DCDC2: variants seen among roughly 807,000 people sequenced by gnomAD.
DCDC2 encodes the protein doublecortin domain-containing protein 2.
A neutral mutation model predicts 50.2 loss-of-function variants in DCDC2; 40 were observed. That is an observed-to-expected ratio of 0.80 (90% CI 0.62 to 1.04). DCDC2 has a LOEUF of 1.04. Among genes scored for constraint, DCDC2 ranks in the 50% least tolerant of loss-of-function variants. The pLI is 0.00. For missense variants in DCDC2, 570 were observed against 581.9 expected (o/e 0.98, Z 0.21); for synonymous variants, 234 against 210.6 (o/e 1.11, Z -0.96).
intron 2 of DCDC2, among the ~76,000 whole-genome samples, chr6:24,329,444 A>T (rs180710566): frequency 6.6e-6 from 1 of 152,282 alleles, no homozygotes; most frequent in Non-Finnish European, 1.5e-5. Flanking sequence ...TACCATTGCT[A>T]TCCTATTTCA....
intron 8 of DCDC2, among the ~76,000 whole-genome samples, chr6:24,194,565 T>G (rs1761390237): frequency 6.6e-6 from 1 of 152,218 alleles, no homozygotes; most frequent in Non-Finnish European, 1.5e-5. Context: ...TGGTCTGTGT[T>G]TCTGAGATGG....
intron 7 of DCDC2, among the ~76,000 whole-genome samples, chr6:24,233,263 T>C (rs1302524457): frequency 6.6e-6 from 1 of 152,212 alleles, no homozygotes; most frequent in Non-Finnish European, 1.5e-5. Flanking sequence ...TCTTGGACTT[T>C]TGTCTGATTA....
In DCDC2 at chr6:24,208,435, A is replaced by G. The variant is rs541822297; in HGVS notation, c.923-3333T>C. On this transcript the variant is annotated intron_variant, in intron 7 of 9. Coordinates refer to ENST00000378454, the MANE Select transcript of DCDC2 (RefSeq NM_016356.5). ...GCCCAGGCTGGAGTGCAGTGGCGCA[A>G]TCTCCGCTCACCGCAAGCTCCGCCT... Among the ~76,000 whole-genome samples, 15 of 143,846 alleles carry G rather than the reference A, an allele frequency of 1.0e-4. No individual in the cohort carries two copies. In the South Asian group the frequency reaches 2.6e-3, roughly 25 times the overall value. The allele number at this position is 143,846 out of a possible 152,430, so 94.4% of individuals were successfully genotyped here.
intron 7 of DCDC2, among the ~76,000 whole-genome samples, chr6:24,251,776 A>C (rs1228454259): frequency 6.6e-6 from 1 of 152,198 alleles, no homozygotes; most frequent in East Asian, 1.9e-4. Flanking sequence ...TGCATCTGTT[A>C]TCTTTCTATG....
chr6:24,382,560 T>C, the DCDC2 span, among the ~76,000 whole-genome samples: 6 of 152,168 alleles, frequency 3.9e-5, no homozygotes, highest in Non-Finnish European at 7.3e-5. Context: ...AGTTTGCTGG[T>C]TTTTTGTTGT....
intron 7 of DCDC2, among the ~76,000 whole-genome samples, chr6:24,216,536 C>T (rs1009362211): frequency 2.6e-5 from 4 of 152,148 alleles, no homozygotes; most frequent in South Asian, 2.1e-4. Flanking sequence ...GCAGTACAGA[C>T]GACTCTTTCA....
chr6:24,217,139 T>TA (rs995182043), intron 7 of DCDC2, among the ~76,000 whole-genome samples: 23 of 149,252 alleles, frequency 1.5e-4, no homozygotes, highest in Middle Eastern at 3.4e-3. Context: ...CAAAGAATCT[T>TA]AAAAAAAAAA....
chr6:24,364,662 TAA>T, the DCDC2 span, among the ~76,000 whole-genome samples: 3 of 152,052 alleles, frequency 2.0e-5, no homozygotes, highest in South Asian at 2.1e-4. Flanking sequence ...GAAAATATAT[TAA>T]GTTTAAAAAT....
intron 8 of DCDC2, among the ~76,000 whole-genome samples, chr6:24,200,999 A>G (rs1761574491): frequency 6.6e-6 from 1 of 152,220 alleles, no homozygotes; most frequent in African/African-American, 2.4e-5. Context: ...ACCAAGATTC[A>G]TAAAGCAAGT....
chr6:24,181,317 G>A (rs1006154815), intron 8 of DCDC2, among the ~76,000 whole-genome samples: 3 of 152,178 alleles, frequency 2.0e-5, no homozygotes, highest in Non-Finnish European at 4.4e-5. Flanking sequence ...AGTGAGAAAA[G>A]TCTCCAATCT....
chr6:24,356,428 A>T (rs895488964), intron 1 of DCDC2, among the ~76,000 whole-genome samples: 5 of 152,122 alleles, frequency 3.3e-5, no homozygotes, highest in Non-Finnish European at 7.4e-5. Context: ...GGGAGGTACA[A>T]ATGTTTTGGC....
At chr6:24,352,237 T>A (rs1296170443) in intron 2 of DCDC2, among the ~76,000 whole-genome samples, 27 of 152,238 alleles carry the variant, frequency 1.8e-4, no homozygotes. Flanking sequence ...TTTTGGGAAT[T>A]CACACATCTC....
At chr6:24,190,308 TA>T (rs544993843) in intron 8 of DCDC2, among the ~76,000 whole-genome samples, 7 of 152,054 alleles carry the variant, frequency 4.6e-5, no homozygotes, top group African/African-American at 9.6e-5. Context: ...TAATCATCAA[TA>T]AAAAAAATTC....
intron 7 of DCDC2, among the ~76,000 whole-genome samples, chr6:24,224,304 C>T (rs1260433816): frequency 6.6e-6 from 1 of 152,176 alleles, no homozygotes; most frequent in Non-Finnish European, 1.5e-5. Flanking sequence ...TTCTTAGACT[C>T]TAAAGATACA....
chr6:24,334,419 AC>A (rs1316190458), intron 2 of DCDC2, among the ~76,000 whole-genome samples: 2 of 152,162 alleles, frequency 1.3e-5, no homozygotes, highest in African/African-American at 4.8e-5. Flanking sequence ...GCAAACTATG[AC>A]CTATGGGCCA....
intron 2 of DCDC2, among the ~76,000 whole-genome samples, chr6:24,314,642 T>A (rs1385391786): frequency 3.9e-5 from 6 of 152,132 alleles, no homozygotes; most frequent in Admixed American, 1.3e-4. Flanking sequence ...TTCTCATAAC[T>A]GTTTAAAAAA....
chr6:24,192,124 T>G (rs1002274289), intron 8 of DCDC2, among the ~76,000 whole-genome samples: 1 of 152,160 alleles, frequency 6.6e-6, no homozygotes, highest in East Asian at 1.9e-4. Flanking sequence ...TCTGGAGATG[T>G]TGAACCTTAG....
intron 7 of DCDC2, among the ~76,000 whole-genome samples, chr6:24,249,134 A>C (rs1316148264): frequency 1.4e-5 from 2 of 143,898 alleles, no homozygotes; most frequent in African/African-American, 2.6e-5. Flanking sequence ...AAAGTGACTC[A>C]CTTAATACCT....
At chr6:24,220,883 CGA>C (rs1491083088) in intron 7 of DCDC2, among the ~76,000 whole-genome samples, 1 of 95,750 alleles carries the variant, frequency 1.0e-5, no homozygotes, top group African/African-American at 3.4e-5. Context: ...AGAGCGAGAG[CGA>C]GAGAGTGAGC....
Sources: allele counts gnomAD v4.1 joint callset (sites outside exome capture counted in the v4.1 genomes callset), GRCh38; gene constraint gnomAD v4.1.1; transcripts MANE v1.5; gene names NCBI Gene and HGNC (gene_info 2026-07-23, HGNC 2026-07-21).